The following RCBTB2 variants were observed in gnomAD, a reference collection of about 807,000 sequenced individuals.
RCBTB2 encodes RCC1 and BTB domain-containing protein 2.
RCBTB2 carries 55 observed loss-of-function variants against 65.4 expected under a neutral mutation model. The observed-to-expected ratio is 0.84, with a 90% CI of 0.68 to 1.05. The LOEUF is 1.05. Among genes scored for constraint, RCBTB2 ranks in the 50% least tolerant of loss-of-function variants. The pLI, the probability that RCBTB2 is intolerant of heterozygous loss-of-function variation, is 0.00. For missense variants in RCBTB2, 599 were observed against 680.1 expected, an observed-to-expected ratio of 0.88 and a Z score of 1.33; for synonymous variants, 220 against 255.2, an observed-to-expected ratio of 0.86 and a Z score of 1.31.
At chr13:48,507,065 G>C (rs1012854677) in intron 10 of RCBTB2, among the ~76,000 whole-genome samples, 1 of 152,232 alleles carries the variant, frequency 6.6e-6, no homozygotes, top group African/African-American at 2.4e-5. Flanking sequence ...CTACTCTCTA[G>C]AGAAGGGCTG....
At chr13:48,501,627 C>T in intron 12 of RCBTB2, 115 bp downstream of exon 12, 4 of 812,096 alleles carry the variant, frequency 4.9e-6, no homozygotes, top group Non-Finnish European at 7.8e-6. Flanking sequence ...CTTGTAAGAG[C>T]AAAAACAGCC....
chr13:48,504,327 C>T (rs1287073380), intron 10 of RCBTB2: 1 of 985,318 alleles, frequency 1.0e-6, no homozygotes. Context: ...CAAGACATAA[C>T]TCCATCCATG....
At chr13:48,514,030 T>TCA (rs1173453603) in intron 6 of RCBTB2, among the ~76,000 whole-genome samples, 1 of 152,244 alleles carries the variant, frequency 6.6e-6, no homozygotes, top group African/African-American at 2.4e-5. Flanking sequence ...GTTCACAATG[T>TCA]CACAGATAGA....
chr13:48,499,611 T>C lies in RCBTB2; in HGVS notation c.1384+10A>G. 1 of 1,612,928 alleles carries C rather than the reference T, an allele frequency of 6.2e-7. No homozygotes were observed. Among genetic ancestry groups the C allele is most frequent in the Non-Finnish European group, 8.5e-7 (1 of 1,179,622 alleles). On this transcript the variant is annotated intron_variant, in intron 13 of 14. Coordinates refer to ENST00000344532, the MANE Select transcript of RCBTB2 (RefSeq NM_001268.4). Reference sequence around the variant, plus strand: ...ATTTTGCCAAGTTTTTGGAAGTCTTTGGCAATTACCTACTGCCTCCTCAGG... The same window carrying C: ...ATTTTGCCAAGTTTTTGGAAGTCTTCGGCAATTACCTACTGCCTCCTCAGG...
intron 1 of RCBTB2, chr13:48,532,737 C>T (rs1952227792): frequency 2.0e-5 from 6 of 300,288 alleles, no homozygotes; most frequent in South Asian, 1.2e-4. Context: ...CGCACCGGGC[C>T]CACGCCAGCG....
Position 48,499,489 on chromosome 13 carries a change from T to C in RCBTB2, c.1384+132A>G, listed in dbSNP as rs774925743. 181 of 910,318 alleles carry C rather than the reference T, an allele frequency of 2.0e-4. 2 individuals carry two copies. The highest frequency in any genetic ancestry group is 1.0e-4 in the Non-Finnish European group (60 of 597,458). 56.4% of individuals were successfully genotyped at this position (910,318 alleles called of 1,614,324 possible). ...ATAAAGTAGTAACAAGGGAAACGTG[T>C]TTGGATTCAACACACACAAAAAGAA... On this transcript the variant is annotated intron_variant, in intron 13 of 14. Transcript: ENST00000344532.
intron 14 of RCBTB2, among the ~76,000 whole-genome samples, chr13:48,493,291 A>G (rs1329389887): frequency 3.9e-5 from 3 of 77,320 alleles, no homozygotes; most frequent in Non-Finnish European, 6.7e-5. Flanking sequence ...CTCTCTCTCC[A>G]CACACACACA....
chr13:48,517,180 C>T (rs759946938), intron 4 of RCBTB2, among the ~76,000 whole-genome samples: 1 of 152,200 alleles, frequency 6.6e-6, no homozygotes, highest in South Asian at 2.1e-4. Context: ...CCATGAATTT[C>T]TCTGGGGCCA....
chr13:48,516,338 G>A (rs144955234), intron 4 of RCBTB2, among the ~76,000 whole-genome samples: 15 of 152,314 alleles, frequency 9.8e-5, no homozygotes, highest in Non-Finnish European at 1.8e-4. Flanking sequence ...TAAGGCAGCC[G>A]TAACAAAGTA....
At chr13:48,515,873 G>T (rs1267070109) in intron 4 of RCBTB2, 132 bp from the exon 5 acceptor site, 1 of 887,442 alleles carries the variant, frequency 1.1e-6, no homozygotes, top group African/African-American at 1.7e-5. Context: ...GAGGCCTCTC[G>T]CAGCTGCAGG....
At chr13:48,502,675 C>G in intron 11 of RCBTB2, 49 bp downstream of exon 11, 2 of 1,546,222 alleles carry the variant, frequency 1.3e-6, no homozygotes, top group Non-Finnish European at 1.8e-6. Context: ...GCCCTGAGCT[C>G]TTTCCCAGAT....
upstream of RCBTB2, among the ~76,000 whole-genome samples, chr13:48,534,799 A>T (rs975663505): frequency 1.3e-5 from 2 of 152,232 alleles, no homozygotes; most frequent in Admixed American, 6.5e-5. Context: ...ACTAAACTTC[A>T]CTGTATTGCT....
At chr13:48,501,624 G>A in intron 12 of RCBTB2, 118 bp downstream of exon 12, 1 of 780,176 alleles carries the variant, frequency 1.3e-6, no homozygotes, top group Non-Finnish European at 2.1e-6. Context: ...ATGCTTGTAA[G>A]AGCAAAAACA....
At chr13:48,505,216 G>T (rs1364351717) in intron 10 of RCBTB2, among the ~76,000 whole-genome samples, 1 of 152,132 alleles carries the variant, frequency 6.6e-6, no homozygotes, top group Non-Finnish European at 1.5e-5. Flanking sequence ...GGTGGTGTGA[G>T]AATCAAGTGA....
Position 48,504,801 on chromosome 13 carries a change from C to T in RCBTB2, c.927-1887G>A, listed in dbSNP as rs182480139. Among the ~76,000 whole-genome samples, 65 of 152,364 alleles carry T rather than the reference C, an allele frequency of 4.3e-4. 1 individual carries two copies. The East Asian group carries it at 8.7e-3, about 20-fold the overall frequency. ...CCTGAAGGGTGAGGATGATCCTCCACTGCCTCCTTTAGGCAGTTGCTCTCA... is the reference window on the plus strand; with the variant it reads ...CCTGAAGGGTGAGGATGATCCTCCATTGCCTCCTTTAGGCAGTTGCTCTCA... On this transcript the variant is annotated intron_variant, in intron 10 of 14. Transcript: ENST00000344532.
At chr13:48,513,690 G>A (rs968458964) in intron 6 of RCBTB2, among the ~76,000 whole-genome samples, 24 of 152,078 alleles carry the variant, frequency 1.6e-4, no homozygotes, top group African/African-American at 5.3e-4. Context: ...TATAATCCCT[G>A]CAGATTATTT....
At chr13:48,500,295 C>T (rs576748621) in intron 12 of RCBTB2, among the ~76,000 whole-genome samples, 1 of 152,302 alleles carries the variant, frequency 6.6e-6, no homozygotes, top group Admixed American at 6.5e-5. Flanking sequence ...CGCGGTGGCT[C>T]ACGCCTGTAA....
At chr13:48,509,139 C>T (rs74589555) in intron 10 of RCBTB2, among the ~76,000 whole-genome samples, 1,747 of 152,138 alleles carry the variant, frequency 0.011, 28 homozygotes, top group African/African-American at 0.04. Flanking sequence ...CCAGCCTGGG[C>T]AATGTGGCAA....
At chr13:48,494,343 T>C (rs1327304672) in intron 14 of RCBTB2, among the ~76,000 whole-genome samples, 1 of 152,228 alleles carries the variant, frequency 6.6e-6, no homozygotes, top group Non-Finnish European at 1.5e-5. Flanking sequence ...GTATTTTACA[T>C]TAAGTACATA....
Sources: gnomAD v4.1 joint callset for allele counts (sites outside exome capture counted in the v4.1 genomes callset) on GRCh38, gnomAD v4.1.1 for gene constraint, MANE v1.5 for transcripts, NCBI Gene and HGNC (gene_info 2026-07-23, HGNC 2026-07-21) for gene names.